The following BCAR1 variants were observed in gnomAD, a reference collection of about 807,000 sequenced individuals.
BCAR1 encodes the protein breast cancer anti-estrogen resistance protein 1.
In BCAR1, 30 loss-of-function variants were observed where a neutral mutation model predicts 67.6. The ratio of observed to expected loss-of-function variants is 0.44; its 90% CI spans 0.33 to 0.60. BCAR1 has a LOEUF of 0.60. BCAR1 is among the 20% of genes least tolerant of loss of function. The probability of loss-of-function intolerance (pLI) is 0.02; values close to 1 mark genes in which losing one functional copy is unlikely to be tolerated. For missense variants in BCAR1, 1,313 were observed against 1,222.3 expected (o/e 1.07, Z -1.11); for synonymous variants, 626 against 556.7 (o/e 1.12, Z -1.75).
intron 1 of BCAR1, among the ~76,000 whole-genome samples, chr16:75,262,591 C>G (rs892385584): frequency 6.6e-6 from 1 of 152,170 alleles, no homozygotes; most frequent in Non-Finnish European, 1.5e-5. Context: ...TGGACACTGC[C>G]TCATCCCACT....
chr16:75,264,395 A>G, intron 1 of BCAR1: 1 of 1,532,640 alleles, frequency 6.5e-7, no homozygotes, highest in East Asian at 2.5e-5. Context: ...CCCTCTGCCC[A>G]GTGCCCACAG....
chr16:75,235,495 C>A lies in BCAR1; in HGVS notation c.1404G>T (p.Gln468His). The A allele has an allele frequency of 6.3e-7, 1 of 1,599,844 alleles. No individual in the cohort carries two copies. The highest frequency in any genetic ancestry group is 8.5e-7 in the Non-Finnish European group (1 of 1,174,342). ...VAVEALARLQ[Q>H]GVSATVAHLL... The stretch of plus-strand genomic sequence containing the variant: ...GGTGGGCAACGGTGGCGCTCACACC[C>A]TGCTGCAGCCGTGCCAGGGCCTCCA... Residue 468 changes from glutamine to histidine, a missense_variant, in exon 5 of 7, where the codon CAG (glutamine) becomes CAT (histidine). Gln to His is a conservative substitution (Grantham distance 24). Coordinates refer to ENST00000162330, the MANE Select transcript of BCAR1 (RefSeq NM_014567.5).
At chr16:75,246,012 A>G (rs117163871) in intron 1 of BCAR1, 6,058 of 97,880 alleles carry the variant, frequency 0.062, 201 homozygotes, top group Non-Finnish European at 0.082. Context: ...GTTCTGCTCT[A>G]TTGCCCAGTA....
chr16:75,251,335 G>A, intron 1 of BCAR1, 136 bp downstream of exon 1: 1 of 1,232,958 alleles, frequency 8.1e-7, no homozygotes. Context: ...GGCAGAAGGA[G>A]ATCCCAGGGC....
At chr16:75,241,716 C>T (rs1208817315) in intron 2 of BCAR1, among the ~76,000 whole-genome samples, 5 of 152,204 alleles carry the variant, frequency 3.3e-5, no homozygotes, top group Admixed American at 3.3e-4. Context: ...GGGTAACTCC[C>T]AGCTGACTCG....
At chr16:75,265,951 G>C (rs1359389038) in intron 1 of BCAR1, 9 of 1,082,366 alleles carry the variant, frequency 8.3e-6, no homozygotes, top group African/African-American at 3.4e-5. Flanking sequence ...CGGCTCCTCC[G>C]GCTCCTGAGC....
In BCAR1 at chr16:75,266,545, C is replaced by G. The variant is rs148202691; in HGVS notation, c.66+1370G>C. Among the ~76,000 whole-genome samples the G allele has an allele frequency of 1.8e-4, 27 of 152,336 alleles. 1 individual carries two copies. The East Asian group carries it at 4.8e-3, about 27-fold the overall frequency. The stretch of plus-strand genomic sequence containing the variant: ...TCGTGGGCCTGAGACTTCCTTTCCC[C>G]AGGCTAAACACCCCCAATTTCAGCT... On this transcript the variant is annotated intron_variant, in intron 1 of 6. Coordinates refer to the BCAR1 transcript ENST00000393422.
At chr16:75,248,407 C>A in intron 1 of BCAR1, 3 of 1,156,424 alleles carry the variant, frequency 2.6e-6, no homozygotes, top group South Asian at 1.9e-5. Context: ...CCCAAAGAGC[C>A]TCCGTGGCCA....
intron 1 of BCAR1, chr16:75,263,507 T>C (rs2077947955): frequency 1.0e-6 from 1 of 985,360 alleles, no homozygotes; most frequent in Non-Finnish European, 1.2e-6. Context: ...ACGCCCTGGC[T>C]CCTTCCCCTC....
At chr16:75,246,845 G>C (rs2077536820) in intron 1 of BCAR1, 1 of 152,438 alleles carries the variant, frequency 6.6e-6, no homozygotes, top group Non-Finnish European at 1.5e-5. Context: ...GCTGGGCCTA[G>C]GGCATGACCC....
At chr16:75,265,642 G>A (rs1383800179) in intron 1 of BCAR1, among the ~76,000 whole-genome samples, 1 of 151,994 alleles carries the variant, frequency 6.6e-6, no homozygotes, top group Non-Finnish European at 1.5e-5. Flanking sequence ...AAAGGCGGGG[G>A]CAGAGAGGCC....
At chr16:75,256,639 T>G (rs2077784255) in intron 1 of BCAR1, among the ~76,000 whole-genome samples, 1 of 152,076 alleles carries the variant, frequency 6.6e-6, no homozygotes, top group Non-Finnish European at 1.5e-5. Context: ...TTCCAAATTA[T>G]CTGGAAATTA....
At chr16:75,233,304 T>C (rs948060574) in intron 6 of BCAR1, among the ~76,000 whole-genome samples, 2 of 151,986 alleles carry the variant, frequency 1.3e-5, no homozygotes, top group African/African-American at 4.8e-5. Flanking sequence ...GCCCAGAAGG[T>C]TGAGGCTGCA....
At chr16:75,234,164 GACACAC>G (rs60447098) in intron 5 of BCAR1, among the ~76,000 whole-genome samples, 2,002 of 95,028 alleles carry the variant, frequency 0.021, 47 homozygotes, top group African/African-American at 0.059. Flanking sequence ...CAGGCAGACA[GACACAC>G]ACACACACAC....
chr16:75,233,879 C>A lies in BCAR1; in HGVS notation c.2067G>T (p.Thr689=). 1 of 1,610,338 alleles carries A rather than the reference C, an allele frequency of 6.2e-7. No individual in the cohort carries two copies. The highest frequency in any genetic ancestry group is 8.5e-7 in the Non-Finnish European group (1 of 1,178,506). ...QKELLEKGSI[T]RQGKSQLELQ... ...ACTCCAGCTGGCTCTTGCCCTGCCG[C>A]GTGATGCTGCCCTTTTCCAGCAGCT... The change falls in exon 6 of 7, where the codon ACG becomes ACT. Residue 689 remains threonine (T), a synonymous_variant. Transcript: ENST00000162330.
chr16:75,240,375 G>A (rs2077298509), intron 2 of BCAR1, among the ~76,000 whole-genome samples: 3 of 152,164 alleles, frequency 2.0e-5, no homozygotes, highest in Non-Finnish European at 2.9e-5. Flanking sequence ...CCGTGCCACC[G>A]TAATGAAGGC....
chr16:75,239,768 C>G (rs1351671120), intron 2 of BCAR1, among the ~76,000 whole-genome samples: 3 of 152,156 alleles, frequency 2.0e-5, no homozygotes, highest in Non-Finnish European at 4.4e-5. Flanking sequence ...ACCACCATAG[C>G]CCGCTCCCCT....
Position 75,260,490 on chromosome 16 carries a change from T to C in BCAR1, c.66+7425A>G, listed in dbSNP as rs184884581. Among the ~76,000 whole-genome samples the C allele has an allele frequency of 1.6e-4, 24 of 151,838 alleles. 1 individual carries two copies. The highest frequency in any genetic ancestry group is 5.6e-4 in the African/African-American group (23 of 41,378). ...CTCTACTAAAAATACAAAAATTAGCTGGACATGGTGGCACATGCCTGTAAT... is the reference window on the plus strand; with the variant it reads ...CTCTACTAAAAATACAAAAATTAGCCGGACATGGTGGCACATGCCTGTAAT... On this transcript the variant is annotated intron_variant, in intron 1 of 6. Transcript: ENST00000393422.
chr16:75,240,037 A>G (rs902176987), intron 2 of BCAR1, among the ~76,000 whole-genome samples: 1 of 151,992 alleles, frequency 6.6e-6, no homozygotes, highest in African/African-American at 2.4e-5. Flanking sequence ...CACCCGGCCC[A>G]AAGAGTCTCG....
Sources: allele counts gnomAD v4.1 joint callset (sites outside exome capture counted in the v4.1 genomes callset), GRCh38; gene constraint gnomAD v4.1.1; transcripts MANE v1.5; gene names NCBI Gene and HGNC (gene_info 2026-07-23, HGNC 2026-07-21).